The following MRPL13 variants were observed in gnomAD, a reference collection of about 807,000 sequenced individuals.
MRPL13 encodes the protein mitochondrial ribosomal protein L13.
A neutral mutation model predicts 29.0 loss-of-function variants in MRPL13; 33 were observed. The observed-to-expected ratio is 1.14, with a 90% CI of 0.86 to 1.52. The LOEUF (loss-of-function observed/expected upper bound fraction) is 1.52, where lower values mean the gene tolerates loss of function less well. MRPL13 is among the 40% of genes most tolerant of loss of function. The pLI, the probability that MRPL13 is intolerant of heterozygous loss-of-function variation, is 0.00. For synonymous variants in MRPL13, 77 were observed against 68.4 expected, an observed-to-expected ratio of 1.13 and a Z score of -0.62; for missense variants, 227 against 216.7, an observed-to-expected ratio of 1.05 and a Z score of -0.30.
At chr8:120,411,045 C>T (rs1277117016) in intron 6 of MRPL13, among the ~76,000 whole-genome samples, 1 of 151,618 alleles carries the variant, frequency 6.6e-6, no homozygotes, top group Non-Finnish European at 1.5e-5. Flanking sequence ...CCCTCTCCCT[C>T]TCCTCCCTCT....
chr8:120,423,357 C>T (rs1586923714), intron 4 of MRPL13, among the ~76,000 whole-genome samples: 1 of 151,590 alleles, frequency 6.6e-6, no homozygotes, highest in African/African-American at 2.4e-5. Context: ...TAAAGAGACC[C>T]AATATTAGAA....
intron 6 of MRPL13, among the ~76,000 whole-genome samples, chr8:120,413,752 T>C (rs1459491516): frequency 6.6e-6 from 1 of 152,158 alleles, no homozygotes; most frequent in African/African-American, 2.4e-5. Context: ...AACAAAATAC[T>C]TGATAATTAT....
At chr8:120,415,200 G>A (rs367786709) in intron 5 of MRPL13, 2 of 152,196 alleles carry the variant, frequency 1.3e-5, no homozygotes, top group Admixed American at 1.3e-4. Flanking sequence ...ATGATAAATT[G>A]ATTTTGGGAA....
intron 4 of MRPL13, among the ~76,000 whole-genome samples, chr8:120,423,437 A>G (rs1812896573): frequency 6.6e-6 from 1 of 152,130 alleles, no homozygotes; most frequent in Non-Finnish European, 1.5e-5. Flanking sequence ...AGACTGTAGT[A>G]GGAAGATATG....
chr8:120,412,147 G>A (rs1322357342), intron 6 of MRPL13, among the ~76,000 whole-genome samples: 3 of 151,940 alleles, frequency 2.0e-5, no homozygotes, highest in Non-Finnish European at 2.9e-5. Context: ...CACCCCTCTT[G>A]GTCAGGAATA....
At chr8:120,419,825 CA>C in intron 5 of MRPL13, 26 bp downstream of exon 5, 1 of 1,537,284 alleles carries the variant, frequency 6.5e-7, no homozygotes, top group Non-Finnish European at 8.8e-7. Flanking sequence ...TTTGGAAAAG[CA>C]TTGTTACCAA....
At chr8:120,417,737 T>C (rs940635321) in intron 5 of MRPL13, among the ~76,000 whole-genome samples, 4 of 152,212 alleles carry the variant, frequency 2.6e-5, no homozygotes, top group Middle Eastern at 3.4e-3. Context: ...CTTTCTATTA[T>C]TTCACTATTA....
chr8:120,436,641 T>G (rs1813058309), intron 2 of MRPL13, among the ~76,000 whole-genome samples: 1 of 152,168 alleles, frequency 6.6e-6, no homozygotes, highest in Non-Finnish European at 1.5e-5. Context: ...CCTTATAAGC[T>G]GTTTGATTTA....
At chr8:120,419,365 T>C (rs1227429223) in intron 5 of MRPL13, among the ~76,000 whole-genome samples, 1 of 151,982 alleles carries the variant, frequency 6.6e-6, no homozygotes, top group Non-Finnish European at 1.5e-5. Context: ...TAAAAATGTT[T>C]ACACTCTTTT....
chr8:120,441,142 A>G (rs1489723078), intron 2 of MRPL13, among the ~76,000 whole-genome samples: 2 of 152,154 alleles, frequency 1.3e-5, no homozygotes, highest in African/African-American at 4.8e-5. Flanking sequence ...TGAGACAGGG[A>G]AAACTGGGAA....
chr8:120,434,638 G>A (rs1325717034), intron 2 of MRPL13, among the ~76,000 whole-genome samples: 1 of 152,044 alleles, frequency 6.6e-6, no homozygotes, highest in African/African-American at 2.4e-5. Context: ...TAAATTCTAA[G>A]ATCTCAGAAG....
At chr8:120,404,310 C>G (rs1812640259) in intron 6 of MRPL13, among the ~76,000 whole-genome samples, 1 of 152,136 alleles carries the variant, frequency 6.6e-6, no homozygotes, top group Non-Finnish European at 1.5e-5. Flanking sequence ...TGTTTCCACA[C>G]AAAAGGTTAA....
intron 5 of MRPL13, chr8:120,416,036 T>C (rs570701523): frequency 5.3e-5 from 8 of 152,314 alleles, no homozygotes; most frequent in Middle Eastern, 3.4e-3. Flanking sequence ...ATTTCTTTAC[T>C]ATTAGAGGAT....
At chr8:120,420,181 G>A (rs1005832332) in intron 4 of MRPL13, among the ~76,000 whole-genome samples, 22 of 151,550 alleles carry the variant, frequency 1.5e-4, no homozygotes, top group African/African-American at 2.4e-4. Flanking sequence ...AAAGTAACCC[G>A]TATATGTGCC....
intron 6 of MRPL13, among the ~76,000 whole-genome samples, chr8:120,403,227 A>G (rs1337081741): frequency 6.6e-6 from 1 of 152,242 alleles, no homozygotes; most frequent in Admixed American, 6.5e-5. Flanking sequence ...TATTCACAAT[A>G]GCAAAGACAT....
At chr8:120,404,214 A>G (rs1812638891) in intron 6 of MRPL13, among the ~76,000 whole-genome samples, 1 of 152,210 alleles carries the variant, frequency 6.6e-6, no homozygotes, top group South Asian at 2.1e-4. Flanking sequence ...TGGTAATGCA[A>G]TTGGAAAGAA....
At chr8:120,401,738 T>G (rs1212780713) in intron 6 of MRPL13, among the ~76,000 whole-genome samples, 1 of 152,160 alleles carries the variant, frequency 6.6e-6, no homozygotes, top group Non-Finnish European at 1.5e-5. Flanking sequence ...CATGACCCTA[T>G]ATCTAGAAAA....
chr8:120,444,839 C>T, intron 1 of MRPL13: 3 of 472,292 alleles, frequency 6.4e-6, no homozygotes, highest in Admixed American at 3.3e-5. Flanking sequence ...CCCCGCCCCC[C>T]CAAGAAAGAC....
At position 120,445,108 on chromosome 8, in the gene MRPL13, C is replaced by G. The variant is rs1563779771; in HGVS notation, c.-14G>C. The G allele has an allele frequency of 3.1e-6, 5 of 1,614,020 alleles. No homozygotes were observed. The highest frequency in any genetic ancestry group is 4.5e-5 in the East Asian group (2 of 44,844). ...GAAACTCGACATATTCCTCTACTAG[C>G]AGGACCGTACGTCCTTCTCCTAGTA... On this transcript the variant is annotated 5_prime_UTR_variant, in exon 1 of 7. Transcript: ENST00000306185.
Sources: gnomAD v4.1 joint callset for allele counts (sites outside exome capture counted in the v4.1 genomes callset) on GRCh38, gnomAD v4.1.1 for gene constraint, MANE v1.5 for transcripts, NCBI Gene and HGNC (gene_info 2026-07-23, HGNC 2026-07-21) for gene names.